Variants in PHF20 observed in about 807,000 individuals in gnomAD.
PHF20 encodes PHD finger protein 20, also known as glioma-expressed antigen 2.
Under a neutral mutation model 113.5 loss-of-function variants are expected in PHF20, and 23 were observed. That is an observed-to-expected ratio of 0.20 (90% CI 0.15 to 0.29). The LOEUF is 0.29. Ranked by LOEUF, PHF20 falls within the 10% of genes least tolerant of loss-of-function variation. The pLI is 1.00. For missense variants in PHF20, 943 were observed against 1,219.6 expected (o/e 0.77, Z 3.38); for synonymous variants, 434 against 457.3 (o/e 0.95, Z 0.65).
At chr20:35,790,588 G>A (rs1325459786) in intron 1 of PHF20, among the ~76,000 whole-genome samples, 2 of 152,194 alleles carry the variant, frequency 1.3e-5, no homozygotes. Context: ...TGGGGAGCCT[G>A]AAGCTCAGAG....
At chr20:35,827,089 T>C (rs551522505) in intron 2 of PHF20, among the ~76,000 whole-genome samples, 49 of 152,320 alleles carry the variant, frequency 3.2e-4, no homozygotes, top group African/African-American at 1.2e-3. Context: ...GCTTCTGGTA[T>C]GTGCCCTGAG....
chr20:35,924,192 C>CTTTT (rs767943006), intron 13 of PHF20, among the ~76,000 whole-genome samples: 3 of 129,896 alleles, frequency 2.3e-5, no homozygotes, highest in Non-Finnish European at 5.0e-5. Flanking sequence ...CTTTTCTTTT[C>CTTTT]TTTTTTTTTT....
At chr20:35,912,169 G>A (rs1453784947) in intron 10 of PHF20, among the ~76,000 whole-genome samples, 1 of 151,556 alleles carries the variant, frequency 6.6e-6, no homozygotes, top group Non-Finnish European at 1.5e-5. Flanking sequence ...TTAGAGAGAC[G>A]GGGTTTCACC....
At chr20:35,917,457 T>C (rs1008550869) in intron 12 of PHF20, 27 bp from the exon 13 acceptor site, 4 of 1,590,124 alleles carry the variant, frequency 2.5e-6, no homozygotes, top group South Asian at 1.1e-5. Flanking sequence ...CCTAAAATAG[T>C]AACTGTTGTT....
chr20:35,842,448 A>G (rs1242943938), intron 2 of PHF20, 125 bp from the exon 3 acceptor site: 6 of 775,242 alleles, frequency 7.7e-6, no homozygotes, highest in Non-Finnish European at 1.2e-5. Context: ...AACTACACAG[A>G]GTCTCTAAAC....
At chr20:35,832,670 G>T (rs2042375128) in intron 2 of PHF20, among the ~76,000 whole-genome samples, 1 of 152,144 alleles carries the variant, frequency 6.6e-6, no homozygotes, top group Admixed American at 6.6e-5. Flanking sequence ...AAGGTGTGTG[G>T]TGTGTTTGAG....
chr20:35,806,897 G>A (rs1051232847), intron 2 of PHF20, among the ~76,000 whole-genome samples: 8 of 147,238 alleles, frequency 5.4e-5, no homozygotes, highest in African/African-American at 1.5e-4. Context: ...CCGGGTTCAC[G>A]CCATTCTCCT....
At chr20:35,927,972 A>G in intron 14 of PHF20, 93 bp downstream of exon 14, 1 of 895,822 alleles carries the variant, frequency 1.1e-6, no homozygotes, top group South Asian at 1.3e-5. Context: ...CGGTCTTGAG[A>G]CTCATTTCTT....
In PHF20 at chr20:35,874,868, T is replaced by C. The variant is rs757122534; in HGVS notation, c.1282+3039T>C. On this transcript the variant is annotated intron_variant, in intron 9 of 17. Coordinates refer to ENST00000374012, the MANE Select transcript of PHF20 (RefSeq NM_016436.5). ...TGGGAGGTTGAGACTGGAGGGTCAC[T>C]TGAGGCCAGGAGTTCAAGACTCGCT... Among the ~76,000 whole-genome samples the C allele has an allele frequency of 5.3e-4, 81 of 152,002 alleles. 3 individuals are homozygous for C. Among genetic ancestry groups the C allele is most frequent in the Non-Finnish European group, 2.2e-4 (15 of 67,996 alleles).
At chr20:35,862,945 TA>T in intron 5 of PHF20, 67 bp from the exon 6 acceptor site, 1 of 1,448,986 alleles carries the variant, frequency 6.9e-7, no homozygotes, top group Non-Finnish European at 9.3e-7. Context: ...CATAAGTTTG[TA>T]AGAAACTCCT....
chr20:35,859,836 C>T (rs1038201927), intron 5 of PHF20, among the ~76,000 whole-genome samples: 1 of 152,042 alleles, frequency 6.6e-6, no homozygotes, highest in African/African-American at 2.4e-5. Flanking sequence ...TGAGCCATTG[C>T]GCCTGGCCCT....
Position 35,841,726 on chromosome 20 carries a change from C to T in PHF20, c.84-847C>T, listed in dbSNP as rs561178926. On this transcript the variant is annotated intron_variant, in intron 2 of 17. Transcript: ENST00000374012. Reference sequence around the variant, plus strand: ...TGGAGGTTGCAGAGAGCTGAGATCGCGCCACTGCCCTCCAGCATAGCGACA... The same window carrying T: ...TGGAGGTTGCAGAGAGCTGAGATCGTGCCACTGCCCTCCAGCATAGCGACA... Among the ~76,000 whole-genome samples, 48 of 152,014 alleles carry T rather than the reference C, an allele frequency of 3.2e-4. 1 individual carries two copies. Among genetic ancestry groups the T allele is most frequent in the South Asian group, 1.5e-3 (7 of 4,808 alleles).
chr20:35,898,292 G>A (rs1445588094), intron 9 of PHF20, among the ~76,000 whole-genome samples: 4 of 152,150 alleles, frequency 2.6e-5, no homozygotes, highest in African/African-American at 7.2e-5. Context: ...AAAAACTGAC[G>A]TAAAATCTCT....
At chr20:35,943,578 TTTAA>T (rs2056030515) in intron 17 of PHF20, among the ~76,000 whole-genome samples, 1 of 151,794 alleles carries the variant, frequency 6.6e-6, no homozygotes, top group African/African-American at 2.4e-5. Flanking sequence ...TTGGCCATTA[TTTAA>T]TTATTTATGT....
At chr20:35,830,364 G>A (rs1362632595) in intron 2 of PHF20, among the ~76,000 whole-genome samples, 1 of 152,152 alleles carries the variant, frequency 6.6e-6, no homozygotes, top group Non-Finnish European at 1.5e-5. Context: ...TGCAGTATTT[G>A]TCCTTCAAGT....
intron 1 of PHF20, among the ~76,000 whole-genome samples, chr20:35,790,208 CTT>C (rs72117236): frequency 6.9e-6 from 1 of 145,950 alleles, no homozygotes; most frequent in Non-Finnish European, 1.5e-5. Flanking sequence ...TGCTAAATAA[CTT>C]TTTTTTTTTT....
rs1361706105 is a variant in PHF20 at position 35,849,463 on chromosome 20, G to A, written c.340+2029G>A. 6.4e-6 allele frequency: 3 copies of A among 468,280 alleles called. No individual in the cohort carries two copies. In the Admixed American group the frequency reaches 7.1e-5, roughly 11 times the overall value. The allele number at this position is 468,280 out of a possible 1,614,324, so 29.0% of individuals were successfully genotyped here. ...AGAGCTACCAGGAGGAGGCAGGGCA[G>A]GATGGTGCAGGTTAATCATGGTAGG... On this transcript the variant is annotated intron_variant, in intron 4 of 17. Coordinates refer to ENST00000374012, the MANE Select transcript of PHF20 (RefSeq NM_016436.5).
rs2042875567 is a variant in PHF20 at position 35,858,334 on chromosome 20, G to C, written c.373G>C (p.Val125Leu). The change falls in exon 5 of 18, where the codon GTT (valine) becomes CTT (leucine). Residue 125 changes from valine to leucine, a missense_variant. Transcript: ENST00000374012. ...CACTGTGAAATTTTATGATGGAGTA[G>C]TTCAGACTGTCAAACATATTCATGT... ...TYTVKFYDGV[V>L]QTVKHIHVKA... 6.3e-7 allele frequency: 1 copy of C among 1,595,550 alleles called. No individual in the cohort carries two copies. Among genetic ancestry groups the C allele is most frequent in the Non-Finnish European group, 8.6e-7 (1 of 1,164,712 alleles).
intron 10 of PHF20, 119 bp downstream of exon 10, chr20:35,899,767 A>G: frequency 9.5e-7 from 1 of 1,052,210 alleles, no homozygotes. Context: ...ATCCCACAGG[A>G]CTGAACATAT....
Sources: allele counts gnomAD v4.1 joint callset (sites outside exome capture counted in the v4.1 genomes callset), GRCh38; gene constraint gnomAD v4.1.1; transcripts MANE v1.5; gene names NCBI Gene and HGNC (gene_info 2026-07-23, HGNC 2026-07-21).